Variants in ARHGEF26 observed in about 807,000 individuals in gnomAD.
ARHGEF26 encodes Rho guanine nucleotide exchange factor 26.
In ARHGEF26, 59 loss-of-function variants were observed where a neutral mutation model predicts 89.4. The observed-to-expected ratio is 0.66, with a 90% confidence interval of 0.54 to 0.82. The LOEUF (loss-of-function observed/expected upper bound fraction) is 0.82. ARHGEF26 is among the 40% of genes least tolerant of loss of function. The pLI is 0.00. For synonymous variants in ARHGEF26, 500 were observed against 428.4 expected (o/e 1.17, Z -2.06); for missense variants, 1,234 against 1,085.6 (o/e 1.14, Z -1.92).
At chr3:154,224,194 A>G (rs1048446562) in intron 10 of ARHGEF26, among the ~76,000 whole-genome samples, 9 of 152,286 alleles carry the variant, frequency 5.9e-5, no homozygotes, top group Non-Finnish European at 1.2e-4. Context: ...TCATTTTAAT[A>G]TCTCTTCTTT....
At chr3:154,221,496 G>A (rs1229883714) in intron 10 of ARHGEF26, among the ~76,000 whole-genome samples, 1 of 152,166 alleles carries the variant, frequency 6.6e-6, no homozygotes, top group African/African-American at 2.4e-5. Context: ...ATGTACTCAT[G>A]AATGTATAAA....
At chr3:154,209,206 T>C (rs1715216540) in intron 9 of ARHGEF26, among the ~76,000 whole-genome samples, 1 of 152,222 alleles carries the variant, frequency 6.6e-6, no homozygotes, top group Non-Finnish European at 1.5e-5. Context: ...AACACAGCTA[T>C]TTTGAACTCT....
chr3:154,161,312 C>T (rs73160542), intron 6 of ARHGEF26, among the ~76,000 whole-genome samples: 2 of 151,984 alleles, frequency 1.3e-5, no homozygotes, highest in South Asian at 2.1e-4. Context: ...TAAAAAGCCT[C>T]AAGAAATATC....
In ARHGEF26 at chr3:154,149,507, T is replaced by C. The variant is rs1719892725; in HGVS notation, c.1326+62T>C. On this transcript the variant is annotated intron_variant, in intron 5 of 14. Transcript: ENST00000465093. ...AGTGTGCATGTCGGTGTCTGCTTTT[T>C]TGTGTTTTCACTTACTGTGTGCACT... 11 of 1,446,918 alleles carry C rather than the reference T, an allele frequency of 7.6e-6. No homozygotes were observed. The South Asian group carries it at 1.5e-4, about 20-fold the overall frequency. 89.6% of individuals were successfully genotyped at this position (1,446,918 alleles called of 1,614,324 possible).
chr3:154,171,431 A>T (rs997351685), intron 6 of ARHGEF26, among the ~76,000 whole-genome samples: 1 of 152,200 alleles, frequency 6.6e-6, no homozygotes, highest in Non-Finnish European at 1.5e-5. Context: ...ACTCTATGGG[A>T]TGGATAAATG....
chr3:154,226,528 T>A (rs1716496687), intron 11 of ARHGEF26, among the ~76,000 whole-genome samples: 1 of 152,210 alleles, frequency 6.6e-6, no homozygotes, highest in Non-Finnish European at 1.5e-5. Context: ...ATCATTTGAT[T>A]GGCAGAGTGT....
intron 4 of ARHGEF26, among the ~76,000 whole-genome samples, chr3:154,141,128 A>G (rs1432907565): frequency 1.4e-5 from 2 of 147,898 alleles, no homozygotes; most frequent in Non-Finnish European, 3.0e-5. Context: ...TGCCCGGCTG[A>G]TTTTTTTTTT....
At chr3:154,123,477 G>C (rs1718126734) in intron 2 of ARHGEF26, among the ~76,000 whole-genome samples, 1 of 152,178 alleles carries the variant, frequency 6.6e-6, no homozygotes, top group Non-Finnish European at 1.5e-5. Context: ...AATGATAGCT[G>C]TTATCACAGC....
At position 154,248,171 on chromosome 3, in the gene ARHGEF26, A is replaced by G. The variant is rs373735785; in HGVS notation, c.2301-4945A>G. 4.6e-5 allele frequency among the ~76,000 whole-genome samples: 7 copies of G among 152,274 alleles called. No homozygotes were observed. In the East Asian group the frequency reaches 1.2e-3, roughly 25 times the overall value. On this transcript the variant is annotated intron_variant, in intron 12 of 14. Coordinates refer to ENST00000465093, the MANE Select transcript of ARHGEF26 (RefSeq NM_015595.4). The stretch of plus-strand genomic sequence containing the variant: ...AACACAAACTTTCCTCACTCATTAT[A>G]TGTCAGTTATAGGATATGATGACCT...
At chr3:154,224,725 TAGC>T (rs2108259244) in intron 10 of ARHGEF26, among the ~76,000 whole-genome samples, 1 of 152,184 alleles carries the variant, frequency 6.6e-6, no homozygotes, top group Middle Eastern at 3.2e-3. Context: ...TAAACTCCCT[TAGC>T]AGCCAGTTTT....
intron 4 of ARHGEF26, among the ~76,000 whole-genome samples, chr3:154,142,632 C>T (rs1719450216): frequency 6.6e-6 from 1 of 152,152 alleles, no homozygotes; most frequent in South Asian, 2.1e-4. Context: ...TTCCTATCCA[C>T]TGGTCATTTT....
chr3:154,144,169 C>G (rs1719558024), intron 4 of ARHGEF26, among the ~76,000 whole-genome samples: 1 of 152,152 alleles, frequency 6.6e-6, no homozygotes, highest in Non-Finnish European at 1.5e-5. Flanking sequence ...GAGTAGCTTG[C>G]ACAGCTCTTA....
chr3:154,129,363 G>C (rs935558255), intron 3 of ARHGEF26, among the ~76,000 whole-genome samples: 2 of 152,140 alleles, frequency 1.3e-5, no homozygotes, highest in Non-Finnish European at 2.9e-5. Flanking sequence ...TCTCTGTATG[G>C]GCTGGTCCCC....
intron 4 of ARHGEF26, 80 bp from the exon 5 acceptor site, chr3:154,149,309 A>C: frequency 1.9e-6 from 2 of 1,074,520 alleles, no homozygotes; most frequent in Admixed American, 4.7e-5. Context: ...TGAAGGGCAT[A>C]GAGTTATGCC....
In ARHGEF26 at chr3:154,122,994, G is replaced by C. The variant is rs899808579; in HGVS notation, c.1002G>C (p.Lys334Asn). Reference sequence around the variant, plus strand: ...ATTTTGACAGTCCTACCAGCTCGAAGAAGAAGAACAGAATGTCCCAGCCTG... The same window carrying C: ...ATTTTGACAGTCCTACCAGCTCGAACAAGAAGAACAGAATGTCCCAGCCTG... Reference protein sequence around the residue: ...GFDFDSPTSSKKKNRMSQPVL... With the variant: ...GFDFDSPTSSNKKNRMSQPVL... Residue 334 changes from lysine to asparagine, a missense_variant, in exon 2 of 15, where the codon AAG becomes AAC. Coordinates refer to ENST00000465093, the MANE Select transcript of ARHGEF26 (RefSeq NM_015595.4). 6 of 1,613,758 alleles carry C rather than the reference G, an allele frequency of 3.7e-6. No individual in the cohort carries two copies. The highest frequency in any genetic ancestry group is 2.7e-5 in the African/African-American group (2 of 74,906).
chr3:154,249,914 T>A (rs181152802), intron 12 of ARHGEF26, among the ~76,000 whole-genome samples: 1 of 152,320 alleles, frequency 6.6e-6, no homozygotes. Context: ...TGTCTAAATT[T>A]AATCGTGGGT....
chr3:154,211,867 ATGTGTG>A (rs3029699), intron 9 of ARHGEF26, among the ~76,000 whole-genome samples: 1 of 151,138 alleles, frequency 6.6e-6, no homozygotes, highest in East Asian at 2.0e-4. Context: ...GTATATATAT[ATGTGTG>A]TGTGTGTGTG....
At chr3:154,158,076 G>A (rs916208982) in intron 6 of ARHGEF26, among the ~76,000 whole-genome samples, 4 of 152,102 alleles carry the variant, frequency 2.6e-5, no homozygotes, top group Admixed American at 6.6e-5. Context: ...ATTAGTAGGT[G>A]GGGGCCAGGG....
At chr3:154,230,959 G>A (rs911514876) in intron 11 of ARHGEF26, among the ~76,000 whole-genome samples, 1 of 152,054 alleles carries the variant, frequency 6.6e-6, no homozygotes, top group African/African-American at 2.4e-5. Flanking sequence ...GCCTGGTTTG[G>A]TTCCATTTTT....
Sources: allele counts gnomAD v4.1 joint callset (sites outside exome capture counted in the v4.1 genomes callset), GRCh38; gene constraint gnomAD v4.1.1; transcripts MANE v1.5; gene names NCBI Gene and HGNC (gene_info 2026-07-23, HGNC 2026-07-21).